AGAP1: variants seen among roughly 807,000 people sequenced by gnomAD.
AGAP1 encodes ArfGAP with GTPase domain, ankyrin repeat and PH domain 1.
In AGAP1, 29 loss-of-function variants were observed where a neutral mutation model predicts 105.3. The observed-to-expected ratio is 0.28, with a 90% CI of 0.21 to 0.38. The LOEUF (loss-of-function observed/expected upper bound fraction) is 0.38, where lower values mean the gene tolerates loss of function less well. Among genes scored for constraint, AGAP1 ranks in the 10% least tolerant of loss-of-function variants. The pLI is 1.00. For missense variants in AGAP1, 998 were observed against 1,165.1 expected (o/e 0.86, Z 2.09); for synonymous variants, 509 against 485.9 (o/e 1.05, Z -0.63).
chr2:235,898,594 A>C (rs2050919969), intron 10 of AGAP1, among the ~76,000 whole-genome samples: 1 of 151,810 alleles, frequency 6.6e-6, no homozygotes, highest in African/African-American at 2.4e-5. Flanking sequence ...TAGCCCAAGA[A>C]ATTGCCACAT....
At chr2:235,575,929 A>T (rs1412519898) in intron 1 of AGAP1, among the ~76,000 whole-genome samples, 1 of 152,210 alleles carries the variant, frequency 6.6e-6, no homozygotes, top group Non-Finnish European at 1.5e-5. Context: ...TTTCAAAAGA[A>T]GATGATGTGA....
At chr2:235,648,670 G>A (rs1379890526) in intron 1 of AGAP1, among the ~76,000 whole-genome samples, 1 of 143,510 alleles carries the variant, frequency 7.0e-6, no homozygotes, top group Non-Finnish European at 1.5e-5. Context: ...TCAGGAGATT[G>A]AGACCATCCT....
chr2:235,943,952 A>G (rs953337649), intron 12 of AGAP1, among the ~76,000 whole-genome samples: 14 of 152,320 alleles, frequency 9.2e-5, no homozygotes, highest in African/African-American at 2.2e-4. Context: ...AGTGATATTA[A>G]TATTAATTAT....
In AGAP1 at chr2:235,737,090, G is replaced by A. The variant is rs1173065008; in HGVS notation, c.311-3873G>A. 6.6e-6 allele frequency among the ~76,000 whole-genome samples: 1 copy of A among 152,166 alleles called. No individual in the cohort carries two copies. The highest frequency in any genetic ancestry group is 1.5e-5 in the Non-Finnish European group (1 of 68,028). ...TCTCAAGGCCCAGTGGTCCTATTGA[G>A]CTGAACCTGCTCCCATCAGTAGTGC... is the stretch of plus-strand genomic sequence containing the variant. On this transcript the variant is annotated intron_variant, in intron 3 of 17. Coordinates refer to ENST00000304032, the MANE Select transcript of AGAP1 (RefSeq NM_001037131.3). This position sits in a 1 kb window ranked among gnomAD's most constrained non-coding sequence, Gnocchi z 4.5.
intron 1 of AGAP1, 96 bp from the exon 2 acceptor site, chr2:235,709,083 A>C (rs754652309): frequency 1.6e-4 from 200 of 1,231,976 alleles, no homozygotes; most frequent in Non-Finnish European, 2.2e-4. Context: ...CACCATCTTC[A>C]GTGACCTTCG....
intron 9 of AGAP1, among the ~76,000 whole-genome samples, chr2:235,807,773 A>G (rs1957915740): frequency 6.6e-6 from 1 of 152,332 alleles, no homozygotes; most frequent in South Asian, 2.1e-4. Context: ...CAACGAGGCA[A>G]TTAGTTGTGA....
At position 235,665,149 on chromosome 2, in the gene AGAP1, C is replaced by A. The variant is rs559977735; in HGVS notation, c.164-44030C>A. 1.3e-4 allele frequency among the ~76,000 whole-genome samples: 20 copies of A among 152,052 alleles called. No individual in the cohort carries two copies. The highest frequency in any genetic ancestry group is 2.4e-4 in the Non-Finnish European group (16 of 68,032). On this transcript the variant is annotated intron_variant, in intron 1 of 17. Transcript: ENST00000304032. This position sits in a 1 kb window ranked among gnomAD's most constrained non-coding sequence, Gnocchi z 5.3. The stretch of plus-strand genomic sequence containing the variant: ...GGAGGATCACTTGAGCCCAGGAGTT[C>A]AAGGCTGTAGTGAGCTATGATCTTG...
chr2:235,683,318 A>T (rs565916093), intron 1 of AGAP1, among the ~76,000 whole-genome samples: 1 of 152,256 alleles, frequency 6.6e-6, no homozygotes, highest in East Asian at 1.9e-4. Context: ...ACAACAACAA[A>T]AAAGACAGAA....
chr2:235,930,898 C>G lies in AGAP1; in HGVS notation c.1458C>G (p.Val486=). 2 of 1,613,908 alleles carry G rather than the reference C, an allele frequency of 1.2e-6. No individual in the cohort carries two copies. The highest frequency in any genetic ancestry group is 8.5e-7 in the Non-Finnish European group (1 of 1,179,944). The change falls in exon 12 of 18, where the codon GTC becomes GTG. Residue 486 remains valine, a synonymous_variant. Transcript: ENST00000304032. This position sits in a 1 kb window ranked among gnomAD's most constrained non-coding sequence, Gnocchi z 7.9. Reference sequence around the variant, plus strand: ...CCGACCAGTGGAGTGAGGCTACGGTCATTGCAAACTCGGCCATCAGCAGTG... The same window carrying G: ...CCGACCAGTGGAGTGAGGCTACGGTGATTGCAAACTCGGCCATCAGCAGTG... ...SSADQWSEAT[V]IANSAISSDT... is the part of the protein sequence containing the mutation.
rs1950495137 is a variant in AGAP1 at position 235,705,533 on chromosome 2, C to A, written c.164-3646C>A. ...AACAATTCCACGCCAGCACAGTGTC[C>A]AGCCCACAGATAGGTCCCTGTAGTG... On this transcript the variant is annotated intron_variant, in intron 1 of 17. Coordinates refer to ENST00000304032, the MANE Select transcript of AGAP1 (RefSeq NM_001037131.3). This position sits in a 1 kb window ranked among gnomAD's most constrained non-coding sequence, Gnocchi z 4.9. 6.6e-6 allele frequency among the ~76,000 whole-genome samples: 1 copy of A among 152,224 alleles called. No homozygotes were observed. Among genetic ancestry groups the A allele is most frequent in the Non-Finnish European group, 1.5e-5 (1 of 68,038 alleles).
At chr2:235,775,811 T>C (rs1412343615) in intron 6 of AGAP1, 3 of 152,220 alleles carry the variant, frequency 2.0e-5, no homozygotes, top group African/African-American at 2.4e-5. Flanking sequence ...ATTTCAAAGA[T>C]AGAAAAACAT....
At chr2:235,520,213 C>T (rs1404394566) in intron 1 of AGAP1, among the ~76,000 whole-genome samples, 1 of 152,210 alleles carries the variant, frequency 6.6e-6, no homozygotes, top group Admixed American at 6.5e-5. Flanking sequence ...TGAACAGTTC[C>T]TTAATATGGT....
chr2:236,065,610 C>T (rs980581491), intron 16 of AGAP1, among the ~76,000 whole-genome samples: 9 of 152,182 alleles, frequency 5.9e-5, no homozygotes, highest in African/African-American at 2.2e-4. Context: ...GAAAAAGGAA[C>T]GCTTTTAAAT....
At chr2:235,890,463 T>C (rs1011158564) in intron 10 of AGAP1, among the ~76,000 whole-genome samples, 2 of 152,172 alleles carry the variant, frequency 1.3e-5, no homozygotes, top group African/African-American at 4.8e-5. Flanking sequence ...TGGTTATTCC[T>C]AAAGGCCAGT....
chr2:235,920,264 G>A (rs941156404), intron 11 of AGAP1, among the ~76,000 whole-genome samples: 3 of 151,980 alleles, frequency 2.0e-5, no homozygotes, highest in East Asian at 1.9e-4. Context: ...AGAACTTAGC[G>A]TCTGACATGG....
intron 1 of AGAP1, among the ~76,000 whole-genome samples, chr2:235,592,484 C>T (rs1479350863): frequency 6.6e-6 from 1 of 152,132 alleles, no homozygotes; most frequent in East Asian, 1.9e-4. Flanking sequence ...GGGCAGGGCT[C>T]CAGGAGAGGC....
chr2:235,866,366 C>T lies in AGAP1; in HGVS notation c.1051-16979C>T, dbSNP rs1463560488. Among the ~76,000 whole-genome samples the T allele has an allele frequency of 6.6e-6, 1 of 152,120 alleles. No homozygotes were observed. The highest frequency in any genetic ancestry group is 1.5e-5 in the Non-Finnish European group (1 of 68,028). ...AATCCGTGTGTGTGATCGGGGTGTT[C>T]TGGACTTGAGGTACCTGGTAGATAC... On this transcript the variant is annotated intron_variant, in intron 9 of 17. Transcript: ENST00000304032. The surrounding 1 kb of genome is among the most constrained non-coding windows in gnomAD (Gnocchi z 6.1).
intron 1 of AGAP1, chr2:235,507,133 C>T (rs962650345): frequency 5.9e-5 from 9 of 152,564 alleles, no homozygotes; most frequent in African/African-American, 1.9e-4. Context: ...CCTGCACAGC[C>T]CTGAATGGAG....
rs374449137 is a variant in AGAP1 at position 235,666,772 on chromosome 2, A to AT, written c.164-42401dup. 3.0e-3 allele frequency among the ~76,000 whole-genome samples: 451 copies of AT among 151,794 alleles called. 5 individuals are homozygous for AT. Among genetic ancestry groups the AT allele is most frequent in the African/African-American group, 0.01 (420 of 41,230 alleles). On this transcript the variant is annotated intron_variant, in intron 1 of 17. Transcript: ENST00000304032. ...TTTAGCCCTGAAGGAATACTACCTT[A>AT]TTTTTTACTTTGGGCTCTATGAATG...
Sources: allele counts gnomAD v4.1 joint callset (sites outside exome capture counted in the v4.1 genomes callset), GRCh38; gene constraint gnomAD v4.1.1; non-coding constraint Gnocchi (gnomAD v3.1); transcripts MANE v1.5; gene names NCBI Gene and HGNC (gene_info 2026-07-23, HGNC 2026-07-21).